Variants in RAB11FIP3 observed in about 807,000 individuals in gnomAD.
RAB11FIP3 encodes RAB11 family interacting protein 3.
RAB11FIP3 carries 17 observed loss-of-function variants against 77.8 expected under a neutral mutation model. The ratio of observed to expected loss-of-function variants is 0.22; its 90% CI spans 0.15 to 0.33. The LOEUF (loss-of-function observed/expected upper bound fraction) is 0.33, where lower values mean the gene tolerates loss of function less well. Among genes scored for constraint, RAB11FIP3 ranks in the 10% least tolerant of loss-of-function variants. RAB11FIP3 has a pLI of 1.00. For synonymous variants in RAB11FIP3, 437 were observed against 448.2 expected (o/e 0.98, Z 0.31); for missense variants, 1,005 against 1,011.2 (o/e 0.99, Z 0.08).
chr16:500,411 G>A (rs549785773), intron 6 of RAB11FIP3, among the ~76,000 whole-genome samples: 4 of 151,990 alleles, frequency 2.6e-5, no homozygotes, highest in Non-Finnish European at 4.4e-5. Flanking sequence ...AGCCGGACGC[G>A]GTGGTTCACG....
At chr16:509,487 CTG>C (rs1414826426) in intron 8 of RAB11FIP3, among the ~76,000 whole-genome samples, 1 of 152,262 alleles carries the variant, frequency 6.6e-6, no homozygotes, top group African/African-American at 2.4e-5. Context: ...ATGAGAGGCT[CTG>C]TGCGAGGCAG....
At chr16:497,950 AAAAAATT>A (rs1245810834) in intron 6 of RAB11FIP3, among the ~76,000 whole-genome samples, 3 of 151,478 alleles carry the variant, frequency 2.0e-5, no homozygotes, top group African/African-American at 7.3e-5. Flanking sequence ...AAAAAAAAAA[AAAAAATT>A]AAAAATTAAA....
In RAB11FIP3 at chr16:428,449, C is replaced by G. The variant is rs147266820; in HGVS notation, c.714+1729C>G. Among the ~76,000 whole-genome samples, 197 of 152,290 alleles carry G rather than the reference C, an allele frequency of 1.3e-3. 5 individuals are homozygous for G. The East Asian group carries it at 0.036, about 28-fold the overall frequency. ...TCCCAAACATACTCTTGCTTCAGTA[C>G]AGCAAAGAAGTTAGGAGAGTACCAC... On this transcript the variant is annotated intron_variant, in intron 1 of 13. Coordinates refer to ENST00000262305, the MANE Select transcript of RAB11FIP3 (RefSeq NM_014700.4).
intron 2 of RAB11FIP3, among the ~76,000 whole-genome samples, chr16:470,451 A>G (rs757045283): frequency 6.6e-6 from 1 of 152,246 alleles, no homozygotes; most frequent in Non-Finnish European, 1.5e-5. Context: ...CACTTTTAAA[A>G]TAAGTGATTG....
At chr16:492,459 CGGGG>C (rs2030561664) in intron 5 of RAB11FIP3, among the ~76,000 whole-genome samples, 2 of 48,620 alleles carry the variant, frequency 4.1e-5, no homozygotes, top group African/African-American at 1.1e-4. Flanking sequence ...GGGCCCTTCC[CGGGG>C]AGACCCGAGG....
At position 426,480 on chromosome 16, in the gene RAB11FIP3, C is replaced by T; in HGVS notation, c.474C>T (p.Val158=). The T allele has an allele frequency of 1.9e-6, 3 of 1,580,256 alleles. No homozygotes were observed. Among genetic ancestry groups the T allele is most frequent in the South Asian group, 1.2e-5 (1 of 86,950 alleles). The change falls in exon 1 of 14, where the codon GTC becomes GTT. Residue 158 remains valine, a synonymous_variant. Transcript: ENST00000262305. The surrounding 1 kb of genome is among the most constrained non-coding windows in gnomAD (Gnocchi z 5.0). The part of the protein sequence containing the change: ...SSSSHRARGE[V]DVFSPFPAPT... ...GCAGCCACCGAGCGCGGGGCGAGGTCGACGTCTTCTCTCCCTTCCCCGCGC... is the reference window on the plus strand; with the variant it reads ...GCAGCCACCGAGCGCGGGGCGAGGTTGACGTCTTCTCTCCCTTCCCCGCGC...
chr16:516,305 A>G (rs2032415236), intron 9 of RAB11FIP3, among the ~76,000 whole-genome samples: 1 of 152,188 alleles, frequency 6.6e-6, no homozygotes, highest in African/African-American at 2.4e-5. Flanking sequence ...CAACTGGATT[A>G]TGGAGAAGAT....
chr16:513,762 A>G (rs1195096975), intron 9 of RAB11FIP3, among the ~76,000 whole-genome samples: 1 of 152,198 alleles, frequency 6.6e-6, no homozygotes. Flanking sequence ...GGTGGCAGGA[A>G]GGGGCCTGCA....
At position 426,348 on chromosome 16, in the gene RAB11FIP3, G is replaced by T; in HGVS notation, c.342G>T (p.Ala114=). 6.6e-7 allele frequency: 1 copy of T among 1,510,900 alleles called. No homozygotes were observed. Among genetic ancestry groups the T allele is most frequent in the East Asian group, 2.7e-5 (1 of 36,438 alleles). 93.6% of individuals were successfully genotyped at this position (1,510,900 alleles called of 1,614,324 possible). Residue 114 remains alanine, a synonymous_variant, in exon 1 of 14, where the codon GCG becomes GCT. Transcript: ENST00000262305. The surrounding 1 kb of genome is among the most constrained non-coding windows in gnomAD (Gnocchi z 5.0). ...CGGGCCCAGGGCCGCGCTCCGAAGC[G>T]CCGCTTCCAGAACTCGACCCGTTGT... The part of the protein sequence containing the change: ...DAPGPGPRSE[A]PLPELDPLFS...
At chr16:459,990 G>C (rs2055576964) in intron 1 of RAB11FIP3, among the ~76,000 whole-genome samples, 1 of 147,738 alleles carries the variant, frequency 6.8e-6, no homozygotes, top group Non-Finnish European at 1.5e-5. Context: ...CAATTTACCT[G>C]TCTCAGCCTC....
chr16:481,534 A>G (rs1272395552), intron 3 of RAB11FIP3, among the ~76,000 whole-genome samples: 3 of 151,950 alleles, frequency 2.0e-5, no homozygotes, highest in Non-Finnish European at 2.9e-5. Context: ...CCAAAAAACA[A>G]AAAGCAAGCT....
At chr16:429,010 A>G (rs12447491) in intron 1 of RAB11FIP3, among the ~76,000 whole-genome samples, 24,815 of 152,012 alleles carry the variant, frequency 0.16, 3,596 homozygotes, top group African/African-American at 0.39. Flanking sequence ...CTGTTCTTCT[A>G]GACGGCTTAG....
At chr16:491,229 A>G in intron 5 of RAB11FIP3, 3 of 1,304,874 alleles carry the variant, frequency 2.3e-6, no homozygotes, top group Non-Finnish European at 3.0e-6. Flanking sequence ...AACCGCCTTG[A>G]GGATCTTTCT....
At chr16:477,366 C>T (rs996468442) in intron 3 of RAB11FIP3, among the ~76,000 whole-genome samples, 57 of 152,250 alleles carry the variant, frequency 3.7e-4, no homozygotes, top group Non-Finnish European at 4.1e-4. Flanking sequence ...TGGGGTGAGT[C>T]TTTGTCACTG....
chr16:508,833 G>A (rs1017833274), intron 8 of RAB11FIP3, among the ~76,000 whole-genome samples: 4 of 151,530 alleles, frequency 2.6e-5, no homozygotes, highest in African/African-American at 7.3e-5. Flanking sequence ...AACTTTCCTC[G>A]TCTCTAATTT....
intron 9 of RAB11FIP3, among the ~76,000 whole-genome samples, chr16:518,281 A>G (rs943980033): frequency 6.6e-6 from 1 of 152,146 alleles, no homozygotes. Context: ...GGGTCTCACT[A>G]TATTGCCCAG....
At position 506,589 on chromosome 16, in the gene RAB11FIP3, A is replaced by C. The variant is rs2141870696; in HGVS notation, c.1499+962A>C. 6.6e-6 allele frequency among the ~76,000 whole-genome samples: 1 copy of C among 152,344 alleles called. No homozygotes were observed. The highest frequency in any genetic ancestry group is 1.9e-4 in the East Asian group (1 of 5,184). ...GCCTGCACACACGTGTGTTGGCAGC[A>C]GGGCATTTGTGGTCAGCATCCCCAA... On this transcript the variant is annotated intron_variant, in intron 8 of 13. Transcript: ENST00000262305. This position sits in a 1 kb window ranked among gnomAD's most constrained non-coding sequence, Gnocchi z 4.5.
rs777712988 is a variant in RAB11FIP3, at chr16:488,955, G to A, written c.1220G>A (p.Cys407Tyr). Reference sequence around the variant, plus strand: ...GCGGAGCTGTCCCCAGAGACCCTATGCAACGGGCAGCTGGGCTGCAGTGAC... The same window carrying A: ...GCGGAGCTGTCCCCAGAGACCCTATACAACGGGCAGCTGGGCTGCAGTGAC... ...SEAELSPETL[C>Y]NGQLGCSDPA... is the part of the protein sequence containing the mutation. The change falls in exon 5 of 14, where the codon TGC becomes TAC. Residue 407 changes from cysteine to tyrosine, a missense_variant. Transcript: ENST00000262305. 6.8e-6 allele frequency: 11 copies of A among 1,614,058 alleles called. No individual in the cohort carries two copies. Among genetic ancestry groups the A allele is most frequent in the South Asian group, 1.1e-5 (1 of 91,068 alleles).
rs764695211 is a variant in RAB11FIP3, at chr16:488,861, C to T, written c.1126C>T (p.His376Tyr). Residue 376 changes from histidine to tyrosine, a missense_variant, in exon 5 of 14, where the codon CAT becomes TAT. Transcript: ENST00000262305. ...TGTTTTACTTTGCAGGCCTCACCCC[C>T]ATGGCCAGTCTGTCATCACGGTGAT... ...LLLLPGRPHP[H>Y]GQSVITVIGG... 10 of 1,614,012 alleles carry T rather than the reference C, an allele frequency of 6.2e-6. No individual in the cohort carries two copies. The highest frequency in any genetic ancestry group is 8.5e-6 in the Non-Finnish European group (10 of 1,179,968).
Sources: allele counts gnomAD v4.1 joint callset (sites outside exome capture counted in the v4.1 genomes callset), GRCh38; gene constraint gnomAD v4.1.1; non-coding constraint Gnocchi (gnomAD v3.1); transcripts MANE v1.5; gene names NCBI Gene and HGNC (gene_info 2026-07-23, HGNC 2026-07-21).